ALDH8A1: variants seen among roughly 807,000 people sequenced by gnomAD.
ALDH8A1 encodes 2-aminomuconic semialdehyde dehydrogenase.
Under a neutral mutation model 43.3 loss-of-function variants are expected in ALDH8A1, and 39 were observed. The observed-to-expected ratio is 0.90, with a 90% CI of 0.70 to 1.18. ALDH8A1 has a LOEUF of 1.18. Ranked by LOEUF, ALDH8A1 falls within the 50% of genes most tolerant of loss-of-function variation. ALDH8A1 has a pLI of 0.00. For synonymous variants in ALDH8A1, 233 were observed against 243.5 expected (o/e 0.96, Z 0.40); for missense variants, 605 against 622.6 (o/e 0.97, Z 0.30).
At chr6:134,946,323 G>A (rs966945380) in intron 1 of ALDH8A1, among the ~76,000 whole-genome samples, 1 of 152,198 alleles carries the variant, frequency 6.6e-6, no homozygotes, top group African/African-American at 2.4e-5. Context: ...CAGCCATGAG[G>A]AAGCCCCACT....
intron 5 of ALDH8A1, 91 bp from the exon 6 acceptor site, chr6:134,929,306 C>A: frequency 1.4e-6 from 2 of 1,417,352 alleles, no homozygotes; most frequent in Non-Finnish European, 1.9e-6. Context: ...ATGTATCAGG[C>A]ACTGGTCTAG....
intron 2 of ALDH8A1, among the ~76,000 whole-genome samples, chr6:134,943,174 C>G (rs910947145): frequency 6.6e-6 from 1 of 152,190 alleles, no homozygotes; most frequent in African/African-American, 2.4e-5. Flanking sequence ...GGAGCCTGGC[C>G]AGGAACACCA....
intron 6 of ALDH8A1, among the ~76,000 whole-genome samples, chr6:134,920,300 C>T (rs917003658): frequency 7.9e-5 from 12 of 152,204 alleles, no homozygotes; most frequent in Non-Finnish European, 1.6e-4. Flanking sequence ...TTTCCCAGAA[C>T]ATAACGCTAT....
chr6:134,934,987 G>A (rs1368965634), intron 4 of ALDH8A1, among the ~76,000 whole-genome samples: 4 of 152,078 alleles, frequency 2.6e-5, no homozygotes, highest in Admixed American at 2.6e-4. Flanking sequence ...AAATATTCAT[G>A]ACTCCTCCCA....
Position 134,932,812 on chromosome 6 carries a change from G to A in ALDH8A1, c.813C>T (p.Cys271=), listed in dbSNP as rs1777007482. 1.9e-6 allele frequency: 3 copies of A among 1,614,212 alleles called. No individual in the cohort carries two copies. The highest frequency in any genetic ancestry group is 2.5e-6 in the Non-Finnish European group (3 of 1,180,032). The change falls in exon 5 of 7, where the codon TGC becomes TGT. Residue 271 remains cysteine, a synonymous_variant. Transcript: ENST00000265605. The stretch of plus-strand genomic sequence containing the variant: ...AGCTGGACCTGACGGTTGCCGGAAT[G>A]CACTCATCCAGGTTGGCGTCCTCAA... The part of the protein sequence containing the change: ...IIFEDANLDE[C]IPATVRSSFA...
chr6:134,938,699 G>C (rs1428504930), intron 4 of ALDH8A1, among the ~76,000 whole-genome samples: 1 of 152,016 alleles, frequency 6.6e-6, no homozygotes, highest in Non-Finnish European at 1.5e-5. Flanking sequence ...CCAGGCTGGA[G>C]TGCAGTGGTG....
intron 6 of ALDH8A1, among the ~76,000 whole-genome samples, chr6:134,920,469 C>A (rs529779848): frequency 2.3e-4 from 35 of 152,256 alleles, no homozygotes; most frequent in Non-Finnish European, 4.3e-4. Flanking sequence ...AGAGGCCCTG[C>A]TGGGATGCAG....
chr6:134,933,856 G>T (rs114694539), intron 4 of ALDH8A1, among the ~76,000 whole-genome samples: 2,369 of 152,034 alleles, frequency 0.016, 78 homozygotes, highest in African/African-American at 0.055. Context: ...TTACAGGCGT[G>T]CACCATTACA....
rs1357472306 is a variant in ALDH8A1, at chr6:134,917,749, T to C, written c.*666A>G. ...CTCCAAAGATGGCAAATTATGGCTA[T>C]TTATTTTTGGTTTTGCAGCATTTTT... On this transcript the variant is annotated 3_prime_UTR_variant, in exon 7 of 7. Coordinates refer to ENST00000265605, the MANE Select transcript of ALDH8A1 (RefSeq NM_022568.4). The C allele has an allele frequency of 2.6e-5, 4 of 151,836 alleles. No homozygotes were observed. The highest frequency in any genetic ancestry group is 5.9e-5 in the Non-Finnish European group (4 of 68,046). 9.4% of individuals were successfully genotyped at this position (151,836 alleles called of 1,614,324 possible). A position where few individuals can be genotyped will look rare whatever the true frequency, so the allele number is the denominator to read the frequency against.
intron 6 of ALDH8A1, among the ~76,000 whole-genome samples, chr6:134,927,654 G>A (rs1165543740): frequency 6.6e-6 from 1 of 152,168 alleles, no homozygotes. Flanking sequence ...AAAAAAAATG[G>A]TGTATCTGTT....
chr6:134,929,204 A>G lies in ALDH8A1; in HGVS notation c.861T>C (p.Cys287=), dbSNP rs373345480. 5 of 1,613,908 alleles carry G rather than the reference A, an allele frequency of 3.1e-6. No homozygotes were observed. Among genetic ancestry groups the G allele is most frequent in the Admixed American group, 1.7e-5 (1 of 60,010 alleles). The part of the protein sequence containing the change: ...RSSFANQGEI[C]LCTSRIFVQK... ...GGACAAAGATCCTGCTGGTACAGAG[A>G]CAGATTTCACCCTGCCAAGAATGAG... is the stretch of plus-strand genomic sequence containing the variant. The change falls in exon 6 of 7, where the codon TGT becomes TGC. Residue 287 remains cysteine, a synonymous_variant. Transcript: ENST00000265605.
At chr6:134,922,648 A>T (rs1776823742) in intron 6 of ALDH8A1, among the ~76,000 whole-genome samples, 1 of 152,160 alleles carries the variant, frequency 6.6e-6, no homozygotes, top group African/African-American at 2.4e-5. Flanking sequence ...TCAGCCACCC[A>T]AAGTGCTGGG....
At chr6:134,932,351 CAGTG>C (rs1297823132) in intron 5 of ALDH8A1, among the ~76,000 whole-genome samples, 1 of 152,136 alleles carries the variant, frequency 6.6e-6, no homozygotes, top group Non-Finnish European at 1.5e-5. Flanking sequence ...ATTTGGAACT[CAGTG>C]GATGAACGCA....
At position 134,918,251 on chromosome 6, in the gene ALDH8A1, C is replaced by T. The variant is rs779182847; in HGVS notation, c.*164G>A. 1 of 659,196 alleles carries T rather than the reference C, an allele frequency of 1.5e-6. No individual in the cohort carries two copies. Among genetic ancestry groups the T allele is most frequent in the Non-Finnish European group, 2.6e-6 (1 of 388,078 alleles). 40.8% of individuals were successfully genotyped at this position (659,196 alleles called of 1,614,324 possible). A position where few individuals can be genotyped will look rare whatever the true frequency, so the allele number is the denominator to read the frequency against. ...TCCACATTGAAAATAGACAGTATCT[C>T]TTCACTAGTGGGTAAAGTTACTAAG... On this transcript the variant is annotated 3_prime_UTR_variant, in exon 7 of 7. Transcript: ENST00000265605.
chr6:134,925,561 A>C (rs1200155440), intron 6 of ALDH8A1, among the ~76,000 whole-genome samples: 4 of 152,250 alleles, frequency 2.6e-5, no homozygotes, highest in African/African-American at 9.6e-5. Flanking sequence ...TAACTGGAAC[A>C]CATCATGTGG....
chr6:134,925,639 A>G (rs1434818745), intron 6 of ALDH8A1, among the ~76,000 whole-genome samples: 1 of 152,256 alleles, frequency 6.6e-6, no homozygotes, highest in Non-Finnish European at 1.5e-5. Context: ...TCTAGAGTCT[A>G]AAGATACAGC....
chr6:134,928,170 C>T (rs1160646350), intron 6 of ALDH8A1, among the ~76,000 whole-genome samples: 2 of 152,202 alleles, frequency 1.3e-5, no homozygotes, highest in African/African-American at 2.4e-5. Context: ...ATTTCATACC[C>T]TCTCCTCCCT....
intron 2 of ALDH8A1, among the ~76,000 whole-genome samples, chr6:134,943,352 G>A (rs1472882156): frequency 1.3e-5 from 2 of 150,118 alleles, no homozygotes; most frequent in Non-Finnish European, 3.0e-5. Flanking sequence ...GAAAGAGTGG[G>A]AAAAAAAAAT....
Position 134,942,278 on chromosome 6 carries a change from C to T in ALDH8A1, c.442+131G>A, listed in dbSNP as rs962340509. On this transcript the variant is annotated intron_variant, in intron 3 of 6. Transcript: ENST00000265605. ...TAAACTAGAAATAGATCTTTGAGGC[C>T]AATGGATTTTAGAAAAGAAAAATAT... 146 of 1,148,968 alleles carry T rather than the reference C, an allele frequency of 1.3e-4. No individual in the cohort carries two copies. The South Asian group carries it at 2.9e-3, about 23-fold the overall frequency. The allele number at this position is 1,148,968 out of a possible 1,614,324, so 71.2% of individuals were successfully genotyped here.
Sources: allele counts gnomAD v4.1 joint callset (sites outside exome capture counted in the v4.1 genomes callset), GRCh38; gene constraint gnomAD v4.1.1; transcripts MANE v1.5; gene names NCBI Gene and HGNC (gene_info 2026-07-23, HGNC 2026-07-21).